Variants in NAA11 observed in about 807,000 individuals in gnomAD.
NAA11 encodes N-alpha-acetyltransferase 11.
In NAA11, 15 loss-of-function variants were observed where a neutral mutation model predicts 16.1. The observed-to-expected ratio is 0.93, with a 90% CI of 0.62 to 1.44. The LOEUF is 1.44. Ranked by LOEUF, NAA11 falls within the 40% of genes most tolerant of loss-of-function variation. NAA11 has a pLI of 0.00. For synonymous variants in NAA11, 122 were observed against 112.4 expected (o/e 1.09, Z -0.54); for missense variants, 298 against 291.3 (o/e 1.02, Z -0.17).
chr4:79,218,079 A>G, the NAA11 span, among the ~76,000 whole-genome samples: 1 of 152,138 alleles, frequency 6.6e-6, no homozygotes, highest in Non-Finnish European at 1.5e-5. Context: ...TTATCTGGTA[A>G]TATATACTCT....
the NAA11 span, among the ~76,000 whole-genome samples, chr4:79,175,506 G>A: frequency 6.6e-6 from 1 of 151,966 alleles, no homozygotes; most frequent in Non-Finnish European, 1.5e-5. Context: ...CCTGAAGTTA[G>A]CAGTTTGTTT....
intron 2 of NAA11, among the ~76,000 whole-genome samples, chr4:79,278,296 G>A (rs892890220): frequency 6.6e-5 from 10 of 151,994 alleles, no homozygotes; most frequent in African/African-American, 2.2e-4. Context: ...GCCAATGAAC[G>A]TCTCATTATG....
downstream of NAA11, among the ~76,000 whole-genome samples, chr4:79,314,661 A>AAAAAAAAAAAAAAAAAAAAAC (rs1723876570): frequency 6.7e-6 from 1 of 148,264 alleles, no homozygotes; most frequent in African/African-American, 2.6e-5. Flanking sequence ...AAAAAAAAAA[A>AAAAAAAAAAAAAAAAAAAAAC]AAAGACTCAG....
At chr4:79,230,778 C>T (rs1009427467) in intron 2 of NAA11, among the ~76,000 whole-genome samples, 5 of 151,882 alleles carry the variant, frequency 3.3e-5, no homozygotes, top group African/African-American at 9.7e-5. Context: ...CCATGTGAGA[C>T]GATACTCTTA....
chr4:79,324,792 G>T (rs910450276), intron 1 of NAA11, among the ~76,000 whole-genome samples: 1 of 152,022 alleles, frequency 6.6e-6, no homozygotes, highest in South Asian at 2.1e-4. Context: ...TCTTGGCTGG[G>T]TCCATTATTT....
downstream of NAA11, among the ~76,000 whole-genome samples, chr4:79,314,056 G>T (rs978043342): frequency 1.6e-4 from 25 of 152,088 alleles, no homozygotes; most frequent in South Asian, 2.1e-4. Flanking sequence ...AAGAAAGGAT[G>T]AGGAAGAAAG....
chr4:79,208,964 C>T, the NAA11 span, among the ~76,000 whole-genome samples: 1 of 91,276 alleles, frequency 1.1e-5, no homozygotes, highest in Non-Finnish European at 2.5e-5. Flanking sequence ...AAAACCAAAA[C>T]TGCCCTTTGC....
At chr4:79,259,392 A>G (rs1333997150) in intron 2 of NAA11, among the ~76,000 whole-genome samples, 1 of 152,172 alleles carries the variant, frequency 6.6e-6, no homozygotes, top group Non-Finnish European at 1.5e-5. Context: ...CCTCACAGAG[A>G]GCTGGCACCC....
the NAA11 span, among the ~76,000 whole-genome samples, chr4:79,195,019 A>T: frequency 3.2e-3 from 487 of 152,224 alleles, 15 homozygotes; most frequent in East Asian, 0.081. Context: ...CAGAGAAAAA[A>T]GGATGAGACA....
intron 2 of NAA11, among the ~76,000 whole-genome samples, chr4:79,285,299 C>G (rs1217011520): frequency 6.6e-6 from 1 of 152,080 alleles, no homozygotes; most frequent in Admixed American, 6.6e-5. Context: ...CATCACAGCA[C>G]TTTAAAACTA....
At chr4:79,199,164 A>T in the NAA11 span, among the ~76,000 whole-genome samples, 2 of 151,982 alleles carry the variant, frequency 1.3e-5, no homozygotes, top group East Asian at 3.9e-4. Flanking sequence ...GAGGCAAGGC[A>T]TGGAAATAGG....
Position 79,258,406 on chromosome 4 carries a change from C to T in NAA11, c.*123-32136G>A, listed in dbSNP as rs528633383. ...TGCCTGCTCCCGCTGTCTGCCTTCT[C>T]CCTGCTGTCAGCACCTACTTTGATC... is the stretch of plus-strand genomic sequence containing the variant. On this transcript the variant is annotated intron_variant and NMD_transcript_variant, in intron 2 of 2. Coordinates refer to the NAA11 transcript ENST00000511542. 3.6e-4 allele frequency among the ~76,000 whole-genome samples: 55 copies of T among 152,390 alleles called. No homozygotes were observed. The South Asian group carries it at 8.9e-3, about 25-fold the overall frequency.
At chr4:79,227,580 AAGG>A (rs1163840889) in intron 2 of NAA11, 1 of 152,024 alleles carries the variant, frequency 6.6e-6, no homozygotes, top group African/African-American at 2.4e-5. Flanking sequence ...TTGCATGAAG[AAGG>A]AGATGATGGT....
the NAA11 span, among the ~76,000 whole-genome samples, chr4:79,187,612 A>T: frequency 1.3e-5 from 2 of 152,132 alleles, no homozygotes; most frequent in African/African-American, 4.8e-5. Context: ...CTTTGGGTTT[A>T]TTGGAGAGGA....
At chr4:79,292,492 AAATCT>A (rs143842531) in intron 2 of NAA11, among the ~76,000 whole-genome samples, 1 of 152,354 alleles carries the variant, frequency 6.6e-6, no homozygotes, top group East Asian at 1.9e-4. Context: ...CAATCTGATT[AAATCT>A]AACAATTTGT....
downstream of NAA11, among the ~76,000 whole-genome samples, chr4:79,224,792 A>G (rs980598011): frequency 6.6e-6 from 1 of 152,124 alleles, no homozygotes; most frequent in African/African-American, 2.4e-5. Flanking sequence ...AACAGTGATC[A>G]ATCATGTTGC....
At chr4:79,172,743 C>A in the NAA11 span, among the ~76,000 whole-genome samples, 11 of 152,168 alleles carry the variant, frequency 7.2e-5, no homozygotes, top group South Asian at 6.2e-4. Flanking sequence ...ATGTAAAACA[C>A]CCTACCTCAC....
At chr4:79,160,771 G>T in the NAA11 span, among the ~76,000 whole-genome samples, 12 of 152,032 alleles carry the variant, frequency 7.9e-5, no homozygotes, top group South Asian at 2.5e-3. Flanking sequence ...ATATATATTT[G>T]CAAATATTTT....
chr4:79,283,586 A>G (rs755814666), intron 2 of NAA11, among the ~76,000 whole-genome samples: 2 of 150,974 alleles, frequency 1.3e-5, no homozygotes, highest in Non-Finnish European at 3.0e-5. Context: ...AAGTCTGGGT[A>G]ACGAAGAAAA....
Sources: gnomAD v4.1 joint callset for allele counts (sites outside exome capture counted in the v4.1 genomes callset) on GRCh38, gnomAD v4.1.1 for gene constraint, MANE v1.5 for transcripts, NCBI Gene and HGNC (gene_info 2026-07-23, HGNC 2026-07-21) for gene names.